ADAMTSL1: variants seen among roughly 807,000 people sequenced by gnomAD.
ADAMTSL1 encodes the protein ADAMTS like 1.
A neutral mutation model predicts 201.8 loss-of-function variants in ADAMTSL1; 126 were observed. That is an observed-to-expected ratio of 0.62 (90% CI 0.54 to 0.72). ADAMTSL1 has a LOEUF of 0.72. ADAMTSL1 is among the 30% of genes least tolerant of loss of function. ADAMTSL1 has a pLI of 0.00. For synonymous variants in ADAMTSL1, 1,121 were observed against 903.4 expected, an observed-to-expected ratio of 1.24 and a Z score of -4.32; for missense variants, 2,679 against 2,277.8, an observed-to-expected ratio of 1.18 and a Z score of -3.59.
At chr9:17,941,762 G>A (rs1415416246) in intron 1 of ADAMTSL1, among the ~76,000 whole-genome samples, 1 of 152,116 alleles carries the variant, frequency 6.6e-6, no homozygotes, top group African/African-American at 2.4e-5. Context: ...TTGTAGACTT[G>A]TTGGCTTACA....
intron 1 of ADAMTSL1, among the ~76,000 whole-genome samples, chr9:18,083,229 C>T (rs1823591703): frequency 6.6e-6 from 1 of 152,012 alleles, no homozygotes; most frequent in Admixed American, 6.6e-5. Flanking sequence ...GGCTGGGGGA[C>T]CTACAAGTAT....
At chr9:18,115,011 C>T (rs1427264843) in intron 1 of ADAMTSL1, among the ~76,000 whole-genome samples, 4 of 152,048 alleles carry the variant, frequency 2.6e-5, no homozygotes, top group Non-Finnish European at 5.9e-5. Context: ...ATAATTGAAT[C>T]GATTCAGGGT....
intron 22 of ADAMTSL1, among the ~76,000 whole-genome samples, chr9:18,827,421 A>G (rs1824648172): frequency 6.6e-6 from 1 of 151,980 alleles, no homozygotes; most frequent in South Asian, 2.1e-4. Context: ...AGGTCCTTCT[A>G]GACCCTGCCC....
intron 13 of ADAMTSL1, among the ~76,000 whole-genome samples, chr9:18,685,477 A>C (rs1203879786): frequency 6.6e-6 from 1 of 152,232 alleles, no homozygotes; most frequent in Non-Finnish European, 1.5e-5. Flanking sequence ...TAGCTGCTAC[A>C]TCACTTTTAC....
At chr9:18,438,549 TC>T (rs994338509) in intron 2 of ADAMTSL1, among the ~76,000 whole-genome samples, 1 of 152,118 alleles carries the variant, frequency 6.6e-6, no homozygotes, top group Admixed American at 6.5e-5. Context: ...TCCGGCCCCA[TC>T]CCCTTGCTCG....
chr9:18,187,204 C>A (rs530990043), intron 2 of ADAMTSL1, among the ~76,000 whole-genome samples: 2 of 152,206 alleles, frequency 1.3e-5, no homozygotes, highest in East Asian at 3.9e-4. Context: ...CACAGGGAAG[C>A]CCTTGTCATT....
chr9:18,426,389 C>A (rs1048825941), intron 2 of ADAMTSL1, among the ~76,000 whole-genome samples: 1 of 152,078 alleles, frequency 6.6e-6, no homozygotes, highest in Admixed American at 6.5e-5. Flanking sequence ...GTTAGACTGG[C>A]AAATAATTCC....
At chr9:18,521,831 C>T (rs532621739) in intron 2 of ADAMTSL1, among the ~76,000 whole-genome samples, 4 of 152,152 alleles carry the variant, frequency 2.6e-5, no homozygotes, top group African/African-American at 9.6e-5. Context: ...AAGAGTAAAG[C>T]AAAGCTAAGA....
chr9:18,014,680 A>T (rs1042529049), intron 1 of ADAMTSL1, among the ~76,000 whole-genome samples: 5 of 151,110 alleles, frequency 3.3e-5, no homozygotes, highest in Non-Finnish European at 7.4e-5. Flanking sequence ...GTTAATGCTG[A>T]AGGATCATGT....
intron 2 of ADAMTSL1, among the ~76,000 whole-genome samples, chr9:18,366,483 C>T (rs910061075): frequency 6.6e-6 from 1 of 151,968 alleles, no homozygotes; most frequent in African/African-American, 2.4e-5. Context: ...TTTTGGGACA[C>T]ACAGGTTTTT....
At chr9:18,783,094 G>T (rs1821493704) in intron 19 of ADAMTSL1, among the ~76,000 whole-genome samples, 1 of 152,224 alleles carries the variant, frequency 6.6e-6, no homozygotes, top group African/African-American at 2.4e-5. Context: ...ATGATTGGAA[G>T]TCGGGGGCTA....
At chr9:18,406,854 G>A (rs984313546) in intron 2 of ADAMTSL1, among the ~76,000 whole-genome samples, 2 of 152,164 alleles carry the variant, frequency 1.3e-5, no homozygotes, top group African/African-American at 4.8e-5. Flanking sequence ...ATGTGTGCTT[G>A]TGGGAAAGTT....
At chr9:18,065,856 C>T (rs1015510141) in intron 1 of ADAMTSL1, among the ~76,000 whole-genome samples, 3 of 151,910 alleles carry the variant, frequency 2.0e-5, no homozygotes, top group African/African-American at 7.3e-5. Flanking sequence ...TGGCAAGTGC[C>T]TGTAATCCCA....
chr9:18,000,184 A>T (rs989495856), intron 1 of ADAMTSL1, among the ~76,000 whole-genome samples: 3 of 150,862 alleles, frequency 2.0e-5, no homozygotes, highest in Non-Finnish European at 4.4e-5. Flanking sequence ...CGCCACACTG[A>T]CTTCCACAAT....
intron 1 of ADAMTSL1, among the ~76,000 whole-genome samples, chr9:18,494,604 G>A (rs1822437370): frequency 6.6e-6 from 1 of 152,168 alleles, no homozygotes; most frequent in Non-Finnish European, 1.5e-5. Context: ...TAGAGGCCAT[G>A]TATGATTACA....
At chr9:18,236,469 G>C (rs1354031448) in intron 2 of ADAMTSL1, among the ~76,000 whole-genome samples, 1 of 152,230 alleles carries the variant, frequency 6.6e-6, no homozygotes, top group Non-Finnish European at 1.5e-5. Flanking sequence ...ATGTCTGAAT[G>C]AAAAGGCTAA....
At chr9:18,305,329 G>A (rs1340643106) in intron 2 of ADAMTSL1, among the ~76,000 whole-genome samples, 2 of 152,170 alleles carry the variant, frequency 1.3e-5, no homozygotes. Flanking sequence ...TCATTCCCCA[G>A]TGGCACCTGG....
At chr9:18,184,570 A>G (rs1321910836) in intron 2 of ADAMTSL1, among the ~76,000 whole-genome samples, 2 of 152,226 alleles carry the variant, frequency 1.3e-5, no homozygotes, top group African/African-American at 4.8e-5. Context: ...TTGGAATTTC[A>G]CCATAGCCAA....
intron 2 of ADAMTSL1, among the ~76,000 whole-genome samples, chr9:18,246,287 A>G (rs887927879): frequency 2.6e-5 from 4 of 152,172 alleles, no homozygotes; most frequent in African/African-American, 9.7e-5. Context: ...TTAATCTTTC[A>G]TTCTCTGTGA....
Sources: allele counts gnomAD v4.1 joint callset (sites outside exome capture counted in the v4.1 genomes callset), GRCh38; gene constraint gnomAD v4.1.1; transcripts MANE v1.5; gene names NCBI Gene and HGNC (gene_info 2026-07-23, HGNC 2026-07-21).